CACUL1: variants seen among roughly 807,000 people sequenced by gnomAD.
The protein encoded by CACUL1 is CDK2-associated and cullin domain-containing protein 1.
In CACUL1, 13 loss-of-function variants were observed where a neutral mutation model predicts 45.2. That is an observed-to-expected ratio of 0.29 (90% CI 0.19 to 0.46). The LOEUF (loss-of-function observed/expected upper bound fraction) is 0.46, where lower values mean the gene tolerates loss of function less well. Among genes scored for constraint, CACUL1 ranks in the 20% least tolerant of loss-of-function variants. The pLI is 1.00. For synonymous variants in CACUL1, 197 were observed against 174.2 expected (o/e 1.13, Z -1.03); for missense variants, 421 against 471.4 (o/e 0.89, Z 0.99).
chr10:118,729,501 T>C, intron 2 of CACUL1, 104 bp from the exon 3 acceptor site: 1 of 746,272 alleles, frequency 1.3e-6, no homozygotes, highest in Non-Finnish European at 2.3e-6. Context: ...GATCCAATAA[T>C]TCATACCTTC....
chr10:118,747,441 G>C (rs1212203016), intron 1 of CACUL1, among the ~76,000 whole-genome samples: 1 of 151,378 alleles, frequency 6.6e-6, no homozygotes, highest in Non-Finnish European at 1.5e-5. Context: ...CCTTGTACAT[G>C]GTTGTTTACA....
At chr10:118,686,901 T>C (rs1845213163) in intron 7 of CACUL1, 4 of 462,798 alleles carry the variant, frequency 8.6e-6, no homozygotes, top group Admixed American at 3.8e-5. Context: ...GTTAAGAAAA[T>C]AGAGGTTCTG....
chr10:118,686,647 G>A lies in CACUL1; in HGVS notation c.1026-6C>T. On this transcript the variant is annotated splice_polypyrimidine_tract_variant and splice_region_variant and intron_variant, in intron 7 of 8. Transcript: ENST00000369151. ...TCTTCCGGGACTGGTCACCCCTGGG[G>A]ATAAGAAGAGGCAGTCAACAAAACT... 1.9e-6 allele frequency: 3 copies of A among 1,611,122 alleles called. No individual in the cohort carries two copies. The highest frequency in any genetic ancestry group is 4.5e-5 in the East Asian group (2 of 44,854).
intron 1 of CACUL1, among the ~76,000 whole-genome samples, chr10:118,731,545 A>G (rs1845698065): frequency 6.6e-6 from 1 of 152,246 alleles, no homozygotes; most frequent in South Asian, 2.1e-4. Context: ...TTCACAAAAC[A>G]ACATGGCATA....
intron 3 of CACUL1, among the ~76,000 whole-genome samples, chr10:118,709,147 G>A (rs1173330122): frequency 1.3e-5 from 2 of 152,044 alleles, no homozygotes; most frequent in East Asian, 3.8e-4. Context: ...TCATCAAGAA[G>A]AAAAAATATA....
intron 1 of CACUL1, among the ~76,000 whole-genome samples, chr10:118,753,947 A>T (rs1845925346): frequency 6.6e-6 from 1 of 152,204 alleles, no homozygotes; most frequent in South Asian, 2.1e-4. Context: ...CCAAAAACAC[A>T]AGAACACAAG....
At chr10:118,737,997 G>C (rs1395104489) in intron 1 of CACUL1, among the ~76,000 whole-genome samples, 1 of 152,192 alleles carries the variant, frequency 6.6e-6, no homozygotes, top group Non-Finnish European at 1.5e-5. Flanking sequence ...GCTAACTGCA[G>C]GTCTATGACA....
At chr10:118,709,884 C>T (rs1377667739) in intron 3 of CACUL1, among the ~76,000 whole-genome samples, 2 of 151,888 alleles carry the variant, frequency 1.3e-5, no homozygotes, top group Non-Finnish European at 2.9e-5. Context: ...CTTTTATTTA[C>T]ATTTCTTTTT....
rs34414146 is a variant in CACUL1, at chr10:118,690,307, CAAAAAAAAAAA to C, written c.1025+947_1025+957del. ...TGGGCGACAGAGCGAGACTCCGTCTCAAAAAAAAAAAAAAAAAAAAAAAAGAGTAAGGATTA... is the reference window on the plus strand; with the variant it reads ...TGGGCGACAGAGCGAGACTCCGTCTCAAAAAAAAAAAAAGAGTAAGGATTA... On this transcript the variant is annotated intron_variant, in intron 7 of 8. Transcript: ENST00000369151. Among the ~76,000 whole-genome samples the C allele has an allele frequency of 1.5e-4, 13 of 88,474 alleles. 1 individual carries two copies. In the East Asian group the frequency reaches 2.3e-3, roughly 16 times the overall value. The allele number at this position is 88,474 out of a possible 152,430, so 58.0% of individuals were successfully genotyped here. A position where few individuals can be genotyped will look rare whatever the true frequency, so the allele number is the denominator to read the frequency against.
Position 118,686,589 on chromosome 10 carries a change from A to T in CACUL1, c.1069+9T>A. 2 of 1,606,718 alleles carry T rather than the reference A, an allele frequency of 1.2e-6. No homozygotes were observed. The highest frequency in any genetic ancestry group is 1.7e-6 in the Non-Finnish European group (2 of 1,173,254). Reference sequence around the variant, plus strand: ...AACCATCAAGATGGGAAGGAACATCATTACTTACTATAAGCCAACTCATCC... The same window carrying T: ...AACCATCAAGATGGGAAGGAACATCTTTACTTACTATAAGCCAACTCATCC... On this transcript the variant is annotated intron_variant, in intron 8 of 8. Transcript: ENST00000369151.
chr10:118,744,008 T>C (rs1845817337), intron 1 of CACUL1, among the ~76,000 whole-genome samples: 1 of 152,170 alleles, frequency 6.6e-6, no homozygotes, highest in African/African-American at 2.4e-5. Context: ...GGGACAGAAA[T>C]GATAACTATC....
At chr10:118,687,397 CCTT>C in intron 7 of CACUL1, among the ~76,000 whole-genome samples, 1 of 152,310 alleles carries the variant, frequency 6.6e-6, no homozygotes, top group South Asian at 2.1e-4. Flanking sequence ...CATCCCCATT[CCTT>C]CTTCAATCTT....
chr10:118,726,698 G>A (rs1416337934), intron 3 of CACUL1, among the ~76,000 whole-genome samples: 1 of 152,156 alleles, frequency 6.6e-6, no homozygotes, highest in African/African-American at 2.4e-5. Flanking sequence ...TTACACCTTA[G>A]TGTAAAGAAC....
intron 1 of CACUL1, among the ~76,000 whole-genome samples, chr10:118,748,726 A>C (rs1216767817): frequency 1.3e-5 from 2 of 152,180 alleles, no homozygotes; most frequent in African/African-American, 4.8e-5. Context: ...CTGAAATCCA[A>C]AACACTTCTG....
At chr10:118,744,956 T>C (rs1278216952) in intron 1 of CACUL1, among the ~76,000 whole-genome samples, 1 of 152,042 alleles carries the variant, frequency 6.6e-6, no homozygotes, top group Non-Finnish European at 1.5e-5. Flanking sequence ...GCCCGGCTCA[T>C]TCCAACTTTT....
At position 118,707,239 on chromosome 10, in the gene CACUL1, CAT is replaced by C. The variant is rs1845440928; in HGVS notation, c.693+251_693+252del. The stretch of plus-strand genomic sequence containing the variant: ...ACATAGCAGAAATAAAATAAGTACT[CAT>C]GTGGGTGACTGCTAATCTTAATGCC... On this transcript the variant is annotated intron_variant, in intron 4 of 8. Transcript: ENST00000369151. Among the ~76,000 whole-genome samples the C allele has an allele frequency of 2.0e-5, 3 of 152,186 alleles. No homozygotes were observed. The South Asian group carries it at 6.2e-4, about 32-fold the overall frequency.
intron 1 of CACUL1, among the ~76,000 whole-genome samples, chr10:118,733,673 T>C (rs1845717634): frequency 6.6e-6 from 1 of 152,234 alleles, no homozygotes; most frequent in Admixed American, 6.5e-5. Flanking sequence ...TTAAGAGATA[T>C]GTAATCACTT....
At chr10:118,740,903 G>A (rs1361445520) in intron 1 of CACUL1, among the ~76,000 whole-genome samples, 1 of 150,998 alleles carries the variant, frequency 6.6e-6, no homozygotes, top group Non-Finnish European at 1.5e-5. Flanking sequence ...TCCAGCCTGG[G>A]CGACAGTGTG....
At chr10:118,691,242 T>C in intron 7 of CACUL1, 23 bp downstream of exon 7, 2 of 1,601,510 alleles carry the variant, frequency 1.2e-6, no homozygotes, top group Non-Finnish European at 1.7e-6. Context: ...ATTTGACCAC[T>C]AAAGGAAAAA....
Sources: gnomAD v4.1 joint callset for allele counts (sites outside exome capture counted in the v4.1 genomes callset) on GRCh38, gnomAD v4.1.1 for gene constraint, MANE v1.5 for transcripts, NCBI Gene and HGNC (gene_info 2026-07-23, HGNC 2026-07-21) for gene names.